FMN1: variants seen among roughly 807,000 people sequenced by gnomAD.
FMN1 encodes formin 1.
A neutral mutation model predicts 132.4 loss-of-function variants in FMN1; 110 were observed. That is an observed-to-expected ratio of 0.83 (90% CI 0.71 to 0.97). The LOEUF (loss-of-function observed/expected upper bound fraction) is 0.97, where lower values mean the gene tolerates loss of function less well. Ranked by LOEUF, FMN1 falls within the 50% of genes least tolerant of loss-of-function variation. The pLI is 0.00. For missense variants in FMN1, 1,792 were observed against 1,705.3 expected, an observed-to-expected ratio of 1.05 and a Z score of -0.90; for synonymous variants, 722 against 651.7, an observed-to-expected ratio of 1.11 and a Z score of -1.64.
chr15:32,786,955 G>A (rs996892891), intron 19 of FMN1, among the ~76,000 whole-genome samples: 2 of 152,178 alleles, frequency 1.3e-5, no homozygotes, highest in East Asian at 1.9e-4. Context: ...AGGCGAAAAC[G>A]GGCTAATGTC....
chr15:32,781,479 A>G (rs934213559), intron 19 of FMN1, among the ~76,000 whole-genome samples: 4 of 152,234 alleles, frequency 2.6e-5, no homozygotes, highest in African/African-American at 7.2e-5. Flanking sequence ...GTGGGAAAGC[A>G]GCCATCTGAA....
intron 7 of FMN1, among the ~76,000 whole-genome samples, chr15:32,976,466 T>C (rs887723389): frequency 3.9e-5 from 6 of 152,182 alleles, no homozygotes; most frequent in African/African-American, 1.4e-4. Flanking sequence ...CCTTAGTTAA[T>C]TGGCTTATAC....
intron 8 of FMN1, 87 bp downstream of exon 8, chr15:32,968,627 G>C: frequency 6.3e-7 from 1 of 1,575,554 alleles, no homozygotes; most frequent in Non-Finnish European, 8.6e-7. Context: ...GCTACACTAT[G>C]GAGATATTGA....
intron 10 of FMN1, among the ~76,000 whole-genome samples, chr15:32,923,111 TA>T (rs1326834893): frequency 6.6e-6 from 1 of 152,228 alleles, no homozygotes. Context: ...TGTGCATGGC[TA>T]AAGGTGAATA....
intron 16 of FMN1, among the ~76,000 whole-genome samples, chr15:32,863,713 T>C (rs1036016288): frequency 3.9e-5 from 6 of 152,222 alleles, no homozygotes; most frequent in Admixed American, 1.3e-4. Flanking sequence ...TTAATCCCTT[T>C]AGTAAGAACA....
rs1312981152 is a variant in FMN1 at position 33,002,333 on chromosome 15, T to C, written c.2223+5681A>G. On this transcript the variant is annotated intron_variant, in intron 7 of 20. Transcript: ENST00000616417. The stretch of plus-strand genomic sequence containing the variant: ...GCCAATGGAAATCACATGTAAAGCA[T>C]CAACATATTTTTCCCACTCACTATC... 2.6e-5 allele frequency among the ~76,000 whole-genome samples: 4 copies of C among 152,194 alleles called. No homozygotes were observed. In the East Asian group the frequency reaches 7.7e-4, roughly 29 times the overall value.
chr15:33,109,564 C>T (rs1390419356), intron 4 of FMN1, among the ~76,000 whole-genome samples: 1 of 151,964 alleles, frequency 6.6e-6, no homozygotes, highest in African/African-American at 2.4e-5. Flanking sequence ...CTGGAGGCTA[C>T]TATCCTTAGC....
At chr15:33,030,260 TG>T (rs2035874462) in intron 6 of FMN1, among the ~76,000 whole-genome samples, 1 of 152,156 alleles carries the variant, frequency 6.6e-6, no homozygotes, top group Non-Finnish European at 1.5e-5. Flanking sequence ...GAATCACCAC[TG>T]GAAGTGAGGA....
rs117635528 is a variant in FMN1, at chr15:32,912,867, T to C, written c.3227-2332A>G. ...GCTCTAATACCACTTAGTGAAAATATTAAGTGAGGTAAGATATATGCTTAG... is the reference window on the plus strand; with the variant it reads ...GCTCTAATACCACTTAGTGAAAATACTAAGTGAGGTAAGATATATGCTTAG... On this transcript the variant is annotated intron_variant, in intron 10 of 20. Transcript: ENST00000616417. 4.0e-4 allele frequency among the ~76,000 whole-genome samples: 61 copies of C among 152,276 alleles called. 1 individual carries two copies. In the East Asian group the frequency reaches 9.6e-3, roughly 24 times the overall value.
intron 17 of FMN1, among the ~76,000 whole-genome samples, chr15:32,808,751 AAGCAAATGCTAGT>A (rs1301874766): frequency 6.6e-6 from 1 of 152,238 alleles, no homozygotes; most frequent in Non-Finnish European, 1.5e-5. Flanking sequence ...TATTGGCTAG[AAGCAAATGCTAGT>A]AGTCACTACT....
intron 7 of FMN1, among the ~76,000 whole-genome samples, chr15:32,984,073 TATG>T (rs1249653167): frequency 2.8e-4 from 42 of 152,198 alleles, no homozygotes; most frequent in Non-Finnish European, 4.6e-4. Context: ...GCATTATACT[TATG>T]ATGAGTGTGA....
rs747140323 is a variant in FMN1 at position 32,857,060 on chromosome 15, A to T, written c.3883T>A (p.Tyr1295Asn). Residue 1295 changes from tyrosine (Y) to asparagine (N), a missense_variant, in exon 17 of 21, where the codon TAT (tyrosine) becomes AAT (asparagine). Physicochemically the swap from Tyr to Asn is moderately radical, Grantham distance 143. Coordinates refer to ENST00000616417, the MANE Select transcript of FMN1 (RefSeq NM_001277313.2). The stretch of plus-strand genomic sequence containing the variant: ...AGTTTGTCCTTGAAAGGCTGGAGAT[A>T]CTCCTTTGGGGACTCCTTGCACACC... ...VVVCKESPKE[Y>N]LQPFKDKLEE... 1.2e-6 allele frequency: 2 copies of T among 1,613,756 alleles called. No individual in the cohort carries two copies. Among genetic ancestry groups the T allele is most frequent in the African/African-American group, 2.7e-5 (2 of 74,896 alleles).
intron 3 of FMN1, among the ~76,000 whole-genome samples, chr15:33,165,542 C>T (rs951520715): frequency 2.6e-5 from 4 of 152,274 alleles, no homozygotes; most frequent in Admixed American, 2.0e-4. Flanking sequence ...AGGCGCCCGC[C>T]ACCACGCCCG....
At chr15:33,042,789 T>TTTA (rs3081640) in intron 6 of FMN1, among the ~76,000 whole-genome samples, 1 of 150,874 alleles carries the variant, frequency 6.6e-6, no homozygotes, top group Non-Finnish European at 1.5e-5. Context: ...TTTTTTTTTT[T>TTTA]AAACAAAACA....
chr15:33,123,636 T>TG (rs1319425880), intron 4 of FMN1, among the ~76,000 whole-genome samples: 1 of 152,132 alleles, frequency 6.6e-6, no homozygotes, highest in Non-Finnish European at 1.5e-5. Flanking sequence ...ATCAAACAGC[T>TG]AGCTATTTTA....
rs181938891 is a variant in FMN1 at position 33,011,229 on chromosome 15, T to C, written c.2162-3154A>G. ...TAACAAATAGGCTAATAAGATAGAATAGACAGTCCAGAAAGATACCATGAT... is the reference window on the plus strand; with the variant it reads ...TAACAAATAGGCTAATAAGATAGAACAGACAGTCCAGAAAGATACCATGAT... On this transcript the variant is annotated intron_variant, in intron 6 of 20. Coordinates refer to ENST00000616417, the MANE Select transcript of FMN1 (RefSeq NM_001277313.2). 4.0e-3 allele frequency among the ~76,000 whole-genome samples: 607 copies of C among 152,242 alleles called. 7 individuals are homozygous for C. Among genetic ancestry groups the C allele is most frequent in the African/African-American group, 0.014 (580 of 41,548 alleles).
chr15:32,824,599 TTCTA>T (rs1322415193), intron 17 of FMN1, among the ~76,000 whole-genome samples: 2 of 152,044 alleles, frequency 1.3e-5, no homozygotes, highest in Non-Finnish European at 2.9e-5. Context: ...CTAGACTCTT[TTCTA>T]TCTTTTAAGA....
chr15:33,167,982 A>C (rs907921015), intron 3 of FMN1, among the ~76,000 whole-genome samples: 1 of 152,180 alleles, frequency 6.6e-6, no homozygotes, highest in Non-Finnish European at 1.5e-5. Context: ...ACTTTTATTG[A>C]AAAAAATTCA....
chr15:33,146,334 G>A (rs1964219515), intron 4 of FMN1, among the ~76,000 whole-genome samples: 1 of 152,024 alleles, frequency 6.6e-6, no homozygotes, highest in Admixed American at 6.6e-5. Context: ...AGGAGGATGA[G>A]GAAATGTTTG....
Sources: allele counts gnomAD v4.1 joint callset (sites outside exome capture counted in the v4.1 genomes callset), GRCh38; gene constraint gnomAD v4.1.1; transcripts MANE v1.5; gene names NCBI Gene and HGNC (gene_info 2026-07-23, HGNC 2026-07-21).